The following RPUSD1 variants were observed in gnomAD, a reference collection of about 807,000 sequenced individuals.
RPUSD1 encodes RNA pseudouridine synthase domain containing 1.
RPUSD1 carries 28 observed loss-of-function variants against 22.4 expected under a neutral mutation model. The ratio of observed to expected loss-of-function variants is 1.25; its 90% confidence interval spans 0.93 to 1.72. The LOEUF is 1.72. Among genes scored for constraint, RPUSD1 ranks in the 40% most tolerant of loss-of-function variants. The pLI, the probability that RPUSD1 is intolerant of heterozygous loss-of-function variation, is 0.00. For missense variants in RPUSD1, 596 were observed against 442.2 expected (o/e 1.35, Z -3.12); for synonymous variants, 298 against 201.0 (o/e 1.48, Z -4.08).
Position 785,751 on chromosome 16 carries a change from G to A in RPUSD1, c.*199C>T, listed in dbSNP as rs903378973. ...TCAGTCCCACGGCCGCGGTGCGGTCGTCACCTGTGATCACGGCTGCCTGGC... is the reference window on the plus strand; with the variant it reads ...TCAGTCCCACGGCCGCGGTGCGGTCATCACCTGTGATCACGGCTGCCTGGC... On this transcript the variant is annotated 3_prime_UTR_variant, in exon 6 of 6. Transcript: ENST00000007264. 19 of 440,014 alleles carry A rather than the reference G, an allele frequency of 4.3e-5. No individual in the cohort carries two copies. The highest frequency in any genetic ancestry group is 2.8e-4 in the African/African-American group (12 of 43,508). The allele number at this position is 440,014 out of a possible 1,614,324, so 27.3% of individuals were successfully genotyped here.
At position 785,649 on chromosome 16, in the gene RPUSD1, G is replaced by C. The variant is rs548197704; in HGVS notation, c.*301C>G. On this transcript the variant is annotated 3_prime_UTR_variant, in exon 6 of 6. Transcript: ENST00000007264. ...GCCCCTGGGGTGACGCTTGAGAGCC[G>C]GAAGCTGTTCCAGGAGGAGGGAGGG... 5.7e-6 allele frequency: 2 copies of C among 349,222 alleles called. No individual in the cohort carries two copies. Among genetic ancestry groups the C allele is most frequent in the Non-Finnish European group, 5.1e-6 (1 of 194,854 alleles). The allele number at this position is 349,222 out of a possible 1,614,324, so 21.6% of individuals were successfully genotyped here.
rs145660742 is a variant in RPUSD1 at position 785,623 on chromosome 16, C to T, written c.*327G>A. 3.5e-4 allele frequency: 105 copies of T among 297,876 alleles called. No individual in the cohort carries two copies. The highest frequency in any genetic ancestry group is 1.9e-3 in the Admixed American group (37 of 19,686). 18.5% of individuals were successfully genotyped at this position (297,876 alleles called of 1,614,324 possible). On this transcript the variant is annotated 3_prime_UTR_variant, in exon 6 of 6. Transcript: ENST00000007264. ...GGTGACCTTGAGTCCGTAAAACTGA[C>T]GCCCCTGGGGTGACGCTTGAGAGCC... is the stretch of plus-strand genomic sequence containing the variant.
At chr16:786,518 C>T (rs2041919338) in intron 5 of RPUSD1, 141 bp from the exon 6 acceptor site, 2 of 829,086 alleles carry the variant, frequency 2.4e-6, no homozygotes, top group Non-Finnish European at 3.9e-6. Context: ...CTGTCCCCTG[C>T]CATGAGTGAG....
At position 786,382 on chromosome 16, in the gene RPUSD1, G is replaced by C; in HGVS notation, c.512-5C>G. 6.2e-7 allele frequency: 1 copy of C among 1,600,984 alleles called. No individual in the cohort carries two copies. The highest frequency in any genetic ancestry group is 8.5e-7 in the Non-Finnish European group (1 of 1,172,760). On this transcript the variant is annotated splice_region_variant and splice_polypyrimidine_tract_variant and intron_variant, in intron 5 of 5. Coordinates refer to ENST00000007264, the MANE Select transcript of RPUSD1 (RefSeq NM_058192.3). Reference sequence around the variant, plus strand: ...CGCGCAGCTGGTGTGTCCGGCCTGCGGGATGAGGGCGGTGCCGGATCAAGC... The same window carrying C: ...CGCGCAGCTGGTGTGTCCGGCCTGCCGGATGAGGGCGGTGCCGGATCAAGC...
chr16:786,690 G>C (rs555656691), intron 5 of RPUSD1, 137 bp downstream of exon 5: 6 of 804,214 alleles, frequency 7.5e-6, no homozygotes, highest in Middle Eastern at 2.2e-4. Context: ...AGAGGCTGCA[G>C]GGCGTGGAGT....
At position 786,006 on chromosome 16, in the gene RPUSD1, G is replaced by C. The variant is rs748998439; in HGVS notation, c.883C>G (p.Gln295Glu). Residue 295 changes from glutamine to glutamate, a missense_variant, in exon 6 of 6, where the codon CAG (glutamine) becomes GAG (glutamate). Transcript: ENST00000007264. ...AGCCACTGCAGGCAGGGGCCCCGCT[G>C]TGCCTCAGTCTCAGGGGGCTTGGTT... is the stretch of plus-strand genomic sequence containing the variant. ...PPTKPPETEA[Q>E]RGPCLQWLSE... 1 of 1,471,532 alleles carries C rather than the reference G, an allele frequency of 6.8e-7. No homozygotes were observed. Among genetic ancestry groups the C allele is most frequent in the East Asian group, 2.4e-5 (1 of 41,744 alleles). The allele number at this position is 1,471,532 out of a possible 1,614,324, so 91.2% of individuals were successfully genotyped here.
At position 787,401 on chromosome 16, in the gene RPUSD1, A is replaced by G; in HGVS notation, c.259T>C (p.Tyr87His). ...ALNKAAAGSAYRCFKERRVTK... is the reference protein window; with the variant it reads ...ALNKAAAGSAHRCFKERRVTK... ...ACGCGCCGCTCCTTGAAGCACCTGT[A>G]CGCGCTGCCGGCGGCTGCCTTGTTT... Residue 87 changes from tyrosine (Y) to histidine (H), a missense_variant, in exon 3 of 6, where the codon TAC (tyrosine) becomes CAC (histidine). Coordinates refer to ENST00000007264, the MANE Select transcript of RPUSD1 (RefSeq NM_058192.3). The G allele has an allele frequency of 8.8e-6, 14 of 1,588,446 alleles. No homozygotes were observed. The highest frequency in any genetic ancestry group is 1.2e-5 in the Non-Finnish European group (14 of 1,167,550).
intron 3 of RPUSD1, 31 bp from the exon 4 acceptor site, chr16:787,210 A>G: frequency 1.3e-6 from 2 of 1,578,766 alleles, no homozygotes; most frequent in Non-Finnish European, 1.7e-6. Flanking sequence ...CACGCAGTTC[A>G]CGGGGCAGCC....
Position 787,559 on chromosome 16 carries a change from A to T in RPUSD1, c.179T>A (p.Phe60Tyr), listed in dbSNP as rs775961313. 1.2e-5 allele frequency: 19 copies of T among 1,610,306 alleles called. No individual in the cohort carries two copies. Among genetic ancestry groups the T allele is most frequent in the Non-Finnish European group, 1.5e-5 (18 of 1,179,656 alleles). The change falls in exon 2 of 6, where the codon TTC becomes TAC. Residue 60 changes from phenylalanine (F) to tyrosine (Y), a missense_variant. Physicochemically the swap from Phe to Tyr is conservative, Grantham distance 22. Transcript: ENST00000007264. ...GGGCTCCGGCCGCCCCCCCTACCTG[A>T]ACCCGTAGCAGGTGTCAGGGTCGGC... ...ELADPDTCYG[F>Y]RFCHQLDFST... is the part of the protein sequence containing the mutation.
Position 785,512 on chromosome 16 carries a change from G to A in RPUSD1, c.*438C>T, listed in dbSNP as rs941245918. Reference sequence around the variant, plus strand: ...CCCTTCCCAGCCCCTCTAGAGGGTAGGTTGGGGGCAGTAGCTCACCAGGCC... The same window carrying A: ...CCCTTCCCAGCCCCTCTAGAGGGTAAGTTGGGGGCAGTAGCTCACCAGGCC... On this transcript the variant is annotated 3_prime_UTR_variant, in exon 6 of 6. Coordinates refer to ENST00000007264, the MANE Select transcript of RPUSD1 (RefSeq NM_058192.3). The A allele has an allele frequency of 6.7e-5, 11 of 163,118 alleles. No individual in the cohort carries two copies. The highest frequency in any genetic ancestry group is 2.4e-4 in the African/African-American group (10 of 41,878). 10.1% of individuals were successfully genotyped at this position (163,118 alleles called of 1,614,324 possible).
chr16:787,717 C>G lies in RPUSD1; in HGVS notation c.21G>C (p.Glu7Asp). The change falls in exon 2 of 6, where the codon GAG becomes GAC. Residue 7 changes from glutamate to aspartate, a missense_variant. Glu to Asp is a conservative substitution (Grantham distance 45). Transcript: ENST00000007264. ...GGCTCCGGTACACGATGGACAGGTT[C>G]TCCACGCTGCCTGGCTCCATGGCCG... is the stretch of plus-strand genomic sequence containing the variant. MEPGSV[E>D]NLSIVYRSRD... 3.1e-6 allele frequency: 5 copies of G among 1,611,104 alleles called. No homozygotes were observed. The highest frequency in any genetic ancestry group is 4.2e-6 in the Non-Finnish European group (5 of 1,179,864).
Position 787,469 on chromosome 16 carries a change from T to C in RPUSD1, c.191A>G (p.His64Arg), listed in dbSNP as rs1403297343. 6.3e-7 allele frequency: 1 copy of C among 1,586,490 alleles called. No individual in the cohort carries two copies. Among genetic ancestry groups the C allele is most frequent in the Admixed American group, 1.8e-5 (1 of 56,910 alleles). The change falls in exon 3 of 6, where the codon CAC becomes CGC. Residue 64 changes from histidine (H) to arginine (R), a missense_variant. His to Arg is a conservative substitution (Grantham distance 29). Transcript: ENST00000007264. ...CCCGCTGGTGGAGAAATCCAGCTGG[T>C]GGCAGAACCTGGAGTGGGACAGAGT... ...PDTCYGFRFC[H>R]QLDFSTSGAL... is the part of the protein sequence containing the mutation.
Position 788,238 on chromosome 16 carries a change from G to A in RPUSD1, c.-8+18C>T. On this transcript the variant is annotated intron_variant, in intron 1 of 5. Transcript: ENST00000007264. ...GGCTCCGAGCCCCTCCCGCGCCCAC[G>A]CCCACGCCAAGACCAACCTGCTGCC... 2.5e-6 allele frequency: 1 copy of A among 392,610 alleles called. No individual in the cohort carries two copies. Among genetic ancestry groups the A allele is most frequent in the Non-Finnish European group, 4.9e-6 (1 of 202,198 alleles). 24.3% of individuals were successfully genotyped at this position (392,610 alleles called of 1,614,324 possible).
intron 3 of RPUSD1, 47 bp from the exon 4 acceptor site, chr16:787,226 C>T: frequency 6.4e-7 from 1 of 1,560,476 alleles, no homozygotes; most frequent in Non-Finnish European, 8.7e-7. Flanking sequence ...CAGCCCAGTG[C>T]TGCCGGGGAG....
At chr16:787,941 C>G (rs1045323357) in intron 1 of RPUSD1, 197 bp from the exon 2 acceptor site, 1 of 610,250 alleles carries the variant, frequency 1.6e-6, no homozygotes, top group African/African-American at 1.9e-5. Context: ...AGGAGTCAGC[C>G]TGCTCCGGGC....
chr16:786,102 C>A lies in RPUSD1; in HGVS notation c.787G>T (p.Glu263Ter), dbSNP rs764440320. 3 of 1,584,658 alleles carry A rather than the reference C, an allele frequency of 1.9e-6. No homozygotes were observed. In the Admixed American group the frequency reaches 5.1e-5, roughly 27 times the overall value. The change falls in exon 6 of 6, where the codon GAG becomes TAG. Residue 263 changes from glutamate (E) to a stop codon, truncating the protein, a stop_gained. Transcript: ENST00000007264. LOFTEE classifies it low-confidence loss of function (END_TRUNC). ...CTGCCTGGCCTGGGGCCCCTATCCT[C>A]GGGGTCAGGGTCGGGGGTGGCCCGT... ...ALRATPDPDP[E>*]DRGPRPGSPS...
chr16:786,858 A>G lies in RPUSD1; in HGVS notation c.480T>C (p.Pro160=), dbSNP rs2041941456. Residue 160 remains proline (P), a synonymous_variant, in exon 5 of 6, where the codon CCT becomes CCC. Transcript: ENST00000007264. ...VLEHGLYAGD[P]VSKVLLKPLT... is the part of the protein sequence containing the mutation. ...GCGGCTTCAGCAGCACTTTGGAGAC[A>G]GGATCGCCTGCGTACAGCCCGTGTT... 1.2e-6 allele frequency: 2 copies of G among 1,613,124 alleles called. No homozygotes were observed. The highest frequency in any genetic ancestry group is 1.7e-6 in the Non-Finnish European group (2 of 1,179,982).
chr16:785,842 T>C lies in RPUSD1; in HGVS notation c.*108A>G, dbSNP rs958792639. The C allele has an allele frequency of 8.5e-6, 9 of 1,055,286 alleles. No individual in the cohort carries two copies. The highest frequency in any genetic ancestry group is 3.3e-5 in the African/African-American group (2 of 61,026). The allele number at this position is 1,055,286 out of a possible 1,614,324, so 65.4% of individuals were successfully genotyped here. A position where few individuals can be genotyped will look rare whatever the true frequency, so the allele number is the denominator to read the frequency against. On this transcript the variant is annotated 3_prime_UTR_variant, in exon 6 of 6. Transcript: ENST00000007264. ...GGCCGGGGCAACCCAGTGGGCCTGATGCTGCCTGGCACCTCGAGGCCCCAG... is the reference window on the plus strand; with the variant it reads ...GGCCGGGGCAACCCAGTGGGCCTGACGCTGCCTGGCACCTCGAGGCCCCAG...
intron 5 of RPUSD1, chr16:786,620 G>A (rs944589274): frequency 9.5e-6 from 7 of 734,242 alleles, no homozygotes; most frequent in African/African-American, 8.7e-5. Flanking sequence ...ATCTAGGCCA[G>A]CCAGACCCCC....
Sources: gnomAD v4.1 joint callset for allele counts on GRCh38, gnomAD v4.1.1 for gene constraint, MANE v1.5 for transcripts, NCBI Gene and HGNC (gene_info 2026-07-23, HGNC 2026-07-21) for gene names.